Variants in IDH1 observed in about 807,000 individuals in gnomAD.
IDH1 encodes the protein isocitrate dehydrogenase [NADP] cytoplasmic.
In IDH1, 33 loss-of-function variants were observed where a neutral mutation model predicts 46.1. The observed-to-expected ratio is 0.72, with a 90% confidence interval of 0.54 to 0.96. IDH1 has a LOEUF of 0.96. IDH1 is among the 40% of genes least tolerant of loss of function. IDH1 has a pLI of 0.00. For synonymous variants in IDH1, 144 were observed against 172.8 expected (o/e 0.83, Z 1.31); for missense variants, 421 against 515.7 (o/e 0.82, Z 1.78).
rs2124863241 is a variant in IDH1 at position 208,248,500 on chromosome 2, G to A, written c.283C>T (p.Pro95Ser). 6.2e-7 allele frequency: 1 copy of A among 1,614,126 alleles called. No individual in the cohort carries two copies. The highest frequency in any genetic ancestry group is 8.5e-7 in the Non-Finnish European group (1 of 1,180,016). ...EFKLKQMWKS[P>S]NGTIRNILGG... ...AGAATATTTCGTATGGTGCCATTTGGTGATTTCCACATTTGTTTCAACTTG... is the reference window on the plus strand; with the variant it reads ...AGAATATTTCGTATGGTGCCATTTGATGATTTCCACATTTGTTTCAACTTG... Residue 95 changes from proline (P) to serine (S), a missense_variant, in exon 4 of 10, where the codon CCA becomes TCA. Coordinates refer to ENST00000345146, the MANE Select transcript of IDH1 (RefSeq NM_005896.4).
intron 3 of IDH1, among the ~76,000 whole-genome samples, chr2:208,248,898 A>C (rs538535563): frequency 6.6e-6 from 1 of 152,342 alleles, no homozygotes; most frequent in South Asian, 2.1e-4. Flanking sequence ...GAAGCTGTCT[A>C]TCAGGAAAAT....
At chr2:208,246,110 T>G (rs1688017749) in intron 4 of IDH1, among the ~76,000 whole-genome samples, 1 of 152,164 alleles carries the variant, frequency 6.6e-6, no homozygotes, top group African/African-American at 2.4e-5. Flanking sequence ...TAGGACTTGT[T>G]CATATGGAGC....
chr2:208,236,855 A>G lies in IDH1; in HGVS notation c.*224T>C. ...AACCGAATTCCTAGGCTGGTACTAG[A>G]AAATAAAATAAAAATTGTAAAAAAG... On this transcript the variant is annotated 3_prime_UTR_variant, in exon 10 of 10. Coordinates refer to ENST00000345146, the MANE Select transcript of IDH1 (RefSeq NM_005896.4). The G allele has an allele frequency of 1.9e-6, 1 of 533,294 alleles. No individual in the cohort carries two copies. The highest frequency in any genetic ancestry group is 3.5e-5 in the Admixed American group (1 of 28,322). 33.0% of individuals were successfully genotyped at this position (533,294 alleles called of 1,614,324 possible). A position where few individuals can be genotyped will look rare whatever the true frequency, so the allele number is the denominator to read the frequency against.
Position 208,242,263 on chromosome 2 carries a change from G to A in IDH1, c.699-118C>T, listed in dbSNP as rs2124852236. ...CAAGAAGCAGCATATTTTAGTAGAA[G>A]TAGCAGAAACTCAGGAATCTGACAG... is the stretch of plus-strand genomic sequence containing the variant. On this transcript the variant is annotated intron_variant, in intron 6 of 9. Coordinates refer to ENST00000345146, the MANE Select transcript of IDH1 (RefSeq NM_005896.4). 3.1e-6 allele frequency: 3 copies of A among 958,368 alleles called. No homozygotes were observed. The East Asian group carries it at 7.4e-5, about 24-fold the overall frequency. 59.4% of individuals were successfully genotyped at this position (958,368 alleles called of 1,614,324 possible). A position where few individuals can be genotyped will look rare whatever the true frequency, so the allele number is the denominator to read the frequency against.
chr2:208,239,077 A>C lies in IDH1; in HGVS notation c.1148T>G (p.Leu383Ter). The change falls in exon 9 of 10, where the codon TTA (leucine) becomes TGA (stop). Residue 383 changes from leucine to a stop codon, truncating the protein, a stop_gained. Transcript: ENST00000345146. LOFTEE classifies it high-confidence loss of function. ...TAGGGCATCTTATACTTACTTGGGT[A>C]AACCTTTAATGCAAGCAGCCAAGTC... ...TKDLAACIKG[L>*]PNVQRSDYLN... The C allele has an allele frequency of 6.2e-7, 1 of 1,613,822 alleles. No homozygotes were observed. The highest frequency in any genetic ancestry group is 1.3e-5 in the African/African-American group (1 of 75,050).
At position 208,248,546 on chromosome 2, in the gene IDH1, A is replaced by T. The variant is rs1245911068; in HGVS notation, c.237T>A (p.Asp79Glu). The change falls in exon 4 of 10, where the codon GAT becomes GAA. Residue 79 changes from aspartate (D) to glutamate (E), a missense_variant. Asp to Glu is a conservative substitution (Grantham distance 45). Transcript: ENST00000345146. ...ACTTGAACTCCTCAACCCTCTTCTC[A>T]TCAGGAGTGATAGTGGCACATTTGA... ...VGVKCATITPDEKRVEEFKLK... is the reference protein window; with the variant it reads ...VGVKCATITPEEKRVEEFKLK... The T allele has an allele frequency of 6.2e-7, 1 of 1,613,966 alleles. No homozygotes were observed. Among genetic ancestry groups the T allele is most frequent in the Non-Finnish European group, 8.5e-7 (1 of 1,179,880 alleles).
In IDH1 at chr2:208,237,181, GA is replaced by G. The variant is rs57383668; in HGVS notation, c.1155-13del. The G allele has an allele frequency of 0.99, 1,277,410 of 1,288,770 alleles. 633,130 individuals carry two copies. The highest frequency in any genetic ancestry group is 1 in the East Asian group (42,244 of 42,334). The allele number at this position is 1,288,770 out of a possible 1,614,324, so 79.8% of individuals were successfully genotyped here. A position where few individuals can be genotyped will look rare whatever the true frequency, so the allele number is the denominator to read the frequency against. On this transcript the variant is annotated splice_polypyrimidine_tract_variant and intron_variant, in intron 9 of 9. Transcript: ENST00000345146. ...CAGAACGTTGCACACTAACGGGAAGGAAAAAAAAAAGAAAATTTAGTTGGTC... is the reference window on the plus strand; with the variant it reads ...CAGAACGTTGCACACTAACGGGAAGGAAAAAAAAAGAAAATTTAGTTGGTC...
At chr2:208,240,113 T>A (rs2124849354) in intron 7 of IDH1, 110 bp from the exon 8 acceptor site, 1 of 1,121,752 alleles carries the variant, frequency 8.9e-7, no homozygotes, top group Non-Finnish European at 1.3e-6. Context: ...GTAAGCAAAG[T>A]AAACAAGAGC....
Position 208,245,351 on chromosome 2 carries a change from TG to T in IDH1, c.487del (p.Gln163LysfsTer3). ...GTTATGTACCAGGTATGTCACCTTTTGGGTTCCGTCACTTGGTGTGTAGGTT... is the reference window on the plus strand; with the variant it reads ...GTTATGTACCAGGTATGTCACCTTTTGGTTCCGTCACTTGGTGTGTAGGTT... The part of the protein sequence containing the change: ...EITYTPSDGT[Q>X]KVTYLVHNFE... On this transcript the variant is annotated frameshift_variant, in exon 5 of 10. Transcript: ENST00000345146. LOFTEE classifies it high-confidence loss of function. 2 of 1,610,088 alleles carry T rather than the reference TG, an allele frequency of 1.2e-6. No homozygotes were observed. The highest frequency in any genetic ancestry group is 1.7e-6 in the Non-Finnish European group (2 of 1,177,030).
At chr2:208,241,871 CG>C in intron 7 of IDH1, 122 bp downstream of exon 7, 3 of 931,126 alleles carry the variant, frequency 3.2e-6, no homozygotes, top group Non-Finnish European at 5.2e-6. Flanking sequence ...TCAGGTAAGA[CG>C]GTGGACCTGG....
chr2:208,236,743 C>T lies in IDH1; in HGVS notation c.*336G>A, dbSNP rs1044416. 6.5e-3 allele frequency: 2,274 copies of T among 352,306 alleles called. 47 individuals carry two copies. The highest frequency in any genetic ancestry group is 0.044 in the African/African-American group (2,110 of 47,916). 21.8% of individuals were successfully genotyped at this position (352,306 alleles called of 1,614,324 possible). On this transcript the variant is annotated 3_prime_UTR_variant, in exon 10 of 10. Coordinates refer to ENST00000345146, the MANE Select transcript of IDH1 (RefSeq NM_005896.4). ...CATATTTTAGGGAGCAATACTGTGG[C>T]TATCATTTACCCTTTTGAGCAATCT...
Position 208,242,057 on chromosome 2 carries a change from C to G in IDH1, c.787G>C (p.Gly263Arg). The G allele has an allele frequency of 6.2e-7, 1 of 1,613,370 alleles. No individual in the cohort carries two copies. The part of the protein sequence containing the change: ...DMVAQAMKSE[G>R]GFIWACKNYD... ...TTTTTACAGGCCCAGATGAAGCCTC[C>G]CTCTGATTTCATAGCTTGGGCCACC... is the stretch of plus-strand genomic sequence containing the variant. The change falls in exon 7 of 10, where the codon GGA becomes CGA. Residue 263 changes from glycine (G) to arginine (R), a missense_variant. By Grantham distance (125) the Gly-to-Arg change is moderately radical (BLOSUM62 -2). Transcript: ENST00000345146.
In IDH1 at chr2:208,242,200, G is replaced by T. The variant is rs537689371; in HGVS notation, c.699-55C>A. 104 of 1,513,212 alleles carry T rather than the reference G, an allele frequency of 6.9e-5. No individual in the cohort carries two copies. The African/African-American group carries it at 1.1e-3, about 16-fold the overall frequency. 93.7% of individuals were successfully genotyped at this position (1,513,212 alleles called of 1,614,324 possible). A position where few individuals can be genotyped will look rare whatever the true frequency, so the allele number is the denominator to read the frequency against. On this transcript the variant is annotated intron_variant, in intron 6 of 9. Coordinates refer to ENST00000345146, the MANE Select transcript of IDH1 (RefSeq NM_005896.4). ...AATAAAGAAAATTGATTTTGTTAGG[G>T]ATATCATCTGCTTGTCCCAAACAGA...
chr2:208,237,517 A>G (rs963916887), intron 9 of IDH1, among the ~76,000 whole-genome samples: 2 of 152,216 alleles, frequency 1.3e-5, no homozygotes, highest in Admixed American at 6.5e-5. Flanking sequence ...ATTCTTAAAC[A>G]TAACAAAACT....
intron 5 of IDH1, among the ~76,000 whole-genome samples, chr2:208,245,014 T>C (rs891007390): frequency 6.6e-6 from 1 of 152,244 alleles, no homozygotes; most frequent in Non-Finnish European, 1.5e-5. Flanking sequence ...TTAATGTATA[T>C]AATTCATGCA....
intron 4 of IDH1, among the ~76,000 whole-genome samples, chr2:208,245,884 T>C (rs143440055): frequency 8.0e-5 from 12 of 150,866 alleles, no homozygotes; most frequent in Middle Eastern, 3.4e-3. Flanking sequence ...ACAATACTAA[T>C]TGTAGTACTG....
chr2:208,252,472 C>T lies in IDH1; in HGVS notation c.-16-905G>A, dbSNP rs185079000. ...TTCTCAGAAAGTGCAAGGTTGGACGCTTTGGAAGAAATGAAACTGTCCCAG... is the reference window on the plus strand; with the variant it reads ...TTCTCAGAAAGTGCAAGGTTGGACGTTTTGGAAGAAATGAAACTGTCCCAG... On this transcript the variant is annotated intron_variant, in intron 2 of 9. Transcript: ENST00000345146. Among the ~76,000 whole-genome samples, 338 of 152,302 alleles carry T rather than the reference C, an allele frequency of 2.2e-3. 8 individuals are homozygous for T. Among genetic ancestry groups the T allele is most frequent in the Non-Finnish European group, 6.8e-4 (46 of 68,036 alleles).
At chr2:208,251,180 A>G in intron 3 of IDH1, 1 of 368,580 alleles carries the variant, frequency 2.7e-6, no homozygotes, top group Non-Finnish European at 5.0e-6. Context: ...CTATATAAAA[A>G]AAGCTAACTT....
Position 208,236,918 on chromosome 2 carries a change from A to G in IDH1, c.*161T>C. On this transcript the variant is annotated 3_prime_UTR_variant, in exon 10 of 10. Coordinates refer to ENST00000345146, the MANE Select transcript of IDH1 (RefSeq NM_005896.4). The stretch of plus-strand genomic sequence containing the variant: ...TTCACAAAGGTGGCAATAACTGTAT[A>G]TATAAGAAAAAGGCTGTAAACTTAT... 1.6e-6 allele frequency: 1 copy of G among 610,100 alleles called. No individual in the cohort carries two copies. Among genetic ancestry groups the G allele is most frequent in the South Asian group, 2.0e-5 (1 of 50,048 alleles). The allele number at this position is 610,100 out of a possible 1,614,324, so 37.8% of individuals were successfully genotyped here.
Sources: allele counts gnomAD v4.1 joint callset (sites outside exome capture counted in the v4.1 genomes callset), GRCh38; gene constraint gnomAD v4.1.1; transcripts MANE v1.5; gene names NCBI Gene and HGNC (gene_info 2026-07-23, HGNC 2026-07-21).